USP28: variants seen among roughly 807,000 people sequenced by gnomAD.
The protein encoded by USP28 is ubiquitin specific peptidase 28.
A neutral mutation model predicts 145.0 loss-of-function variants in USP28; 113 were observed. The ratio of observed to expected loss-of-function variants is 0.78; its 90% confidence interval spans 0.67 to 0.91. USP28 has a LOEUF of 0.91. Among genes scored for constraint, USP28 ranks in the 40% least tolerant of loss-of-function variants. USP28 has a pLI of 0.00. For missense variants in USP28, 1,201 were observed against 1,289.6 expected (o/e 0.93, Z 1.05); for synonymous variants, 447 against 450.9 (o/e 0.99, Z 0.11).
chr11:113,875,171 C>T (rs912656934), intron 1 of USP28, among the ~76,000 whole-genome samples: 1 of 152,186 alleles, frequency 6.6e-6, no homozygotes, highest in African/African-American at 2.4e-5. Context: ...CGGCGGAGAA[C>T]CCCACGTCCA....
At chr11:113,798,053 CAT>C (rs1938235165) in exon 25 of USP28, 1 of 138,240 alleles carries the variant, frequency 7.2e-6, no homozygotes, top group Non-Finnish European at 1.5e-5. Context: ...TATAGTTTTG[CAT>C]ATGTATGCTG....
chr11:113,841,950 T>C (rs984879075), intron 3 of USP28, among the ~76,000 whole-genome samples, 182 bp from the exon 4 acceptor site: 2 of 152,194 alleles, frequency 1.3e-5, no homozygotes, highest in African/African-American at 4.8e-5. Context: ...AACCTTAGAC[T>C]AGCCCACAGT....
At chr11:113,840,575 G>C in intron 5 of USP28, 23 bp downstream of exon 5, 2 of 1,599,546 alleles carry the variant, frequency 1.3e-6, no homozygotes, top group African/African-American at 1.4e-5. Flanking sequence ...AAAAGACACA[G>C]TTATCTCTTA....
At chr11:113,842,952 T>C (rs533230098) in intron 3 of USP28, among the ~76,000 whole-genome samples, 8 of 152,336 alleles carry the variant, frequency 5.3e-5, no homozygotes, top group Non-Finnish European at 1.2e-4. Flanking sequence ...TAAGAACTTT[T>C]GGGCATGGTG....
intron 1 of USP28, chr11:113,859,473 G>A (rs1197021126): frequency 1.3e-5 from 2 of 152,004 alleles, no homozygotes; most frequent in African/African-American, 2.4e-5. Flanking sequence ...AATGTAAAGA[G>A]TATGGTATGA....
chr11:113,847,443 CGGG>C (rs1318407651), intron 3 of USP28, among the ~76,000 whole-genome samples: 2 of 12,394 alleles, frequency 1.6e-4, no homozygotes, highest in Non-Finnish European at 3.4e-4. Context: ...CTGCAAGAAA[CGGG>C]ACGGGGGTGG....
At chr11:113,867,196 T>G (rs1378854193) in intron 1 of USP28, among the ~76,000 whole-genome samples, 1 of 152,190 alleles carries the variant, frequency 6.6e-6, no homozygotes, top group African/African-American at 2.4e-5. Flanking sequence ...AATGAAAATG[T>G]TTTAGAACTA....
At chr11:113,864,248 A>C (rs1948045229) in intron 1 of USP28, among the ~76,000 whole-genome samples, 1 of 152,224 alleles carries the variant, frequency 6.6e-6, no homozygotes, top group South Asian at 2.1e-4. Flanking sequence ...CTCAAAAAAA[A>C]GGTAAAAAAA....
chr11:113,823,650 C>A, exon 12 of USP28: 1 of 1,612,442 alleles, frequency 6.2e-7, no homozygotes, highest in Non-Finnish European at 8.5e-7. Flanking sequence ...CTTCAACTTT[C>A]GAATACACTC....
intron 8 of USP28, 50 bp from the exon 9 acceptor site, chr11:113,830,993 T>A (rs375801757): frequency 4.5e-5 from 72 of 1,592,210 alleles, no homozygotes; most frequent in Non-Finnish European, 5.9e-5. Flanking sequence ...TTAAGATATG[T>A]GCTACATAAA....
chr11:113,852,759 A>G (rs1946617097), intron 2 of USP28, 126 bp from the exon 3 acceptor site: 1 of 1,089,258 alleles, frequency 9.2e-7, no homozygotes, highest in Non-Finnish European at 1.3e-6. Context: ...GGGTAGAATT[A>G]TGAGACTATG....
exon 24 of USP28, chr11:113,801,506 G>T: frequency 6.3e-7 from 1 of 1,587,024 alleles, no homozygotes; most frequent in South Asian, 1.1e-5. Flanking sequence ...CCCAAGGTAA[G>T]AGCACCAATG....
rs976687982 is a variant in USP28 at position 113,841,801 on chromosome 11, A to G, written c.269-33T>C. On this transcript the variant is annotated intron_variant, in intron 3 of 24. Transcript: ENST00000003302. ...ATAAACAGAAATTTAATTAGTCTAT[A>G]TATAGGAAACACTGCCCTTCTGTAA... The G allele has an allele frequency of 6.2e-5, 91 of 1,478,786 alleles. No individual in the cohort carries two copies. The South Asian group carries it at 1.1e-3, about 17-fold the overall frequency. 91.6% of individuals were successfully genotyped at this position (1,478,786 alleles called of 1,614,324 possible).
intron 19 of USP28, among the ~76,000 whole-genome samples, chr11:113,805,292 G>A (rs542558043): frequency 7.2e-6 from 1 of 138,116 alleles, no homozygotes; most frequent in African/African-American, 2.7e-5. Context: ...GTATCACTTT[G>A]TCACCCAGGC....
chr11:113,857,111 G>A (rs1947134521), intron 1 of USP28, among the ~76,000 whole-genome samples: 1 of 152,194 alleles, frequency 6.6e-6, no homozygotes, highest in South Asian at 2.1e-4. Context: ...CTTCACGGCA[G>A]TCCTGGGAGA....
At chr11:113,817,516 G>A (rs1941916822) in intron 13 of USP28, 142 bp downstream of exon 13, 2 of 977,126 alleles carry the variant, frequency 2.0e-6, no homozygotes, top group Non-Finnish European at 2.9e-6. Flanking sequence ...GTGACAGTCA[G>A]CAAAACCCTT....
chr11:113,830,415 T>C (rs936371299), intron 9 of USP28, among the ~76,000 whole-genome samples: 5 of 152,176 alleles, frequency 3.3e-5, no homozygotes, highest in African/African-American at 1.2e-4. Context: ...TTTGAATGTA[T>C]TCTAAACTCT....
intron 1 of USP28, among the ~76,000 whole-genome samples, chr11:113,860,836 G>T (rs1947600398): frequency 6.8e-6 from 1 of 146,266 alleles, no homozygotes; most frequent in South Asian, 2.2e-4. Context: ...AAAAAAATAA[G>T]GGCCGGGCTT....
rs1026407647 is a variant in USP28 at position 113,869,850 on chromosome 11, A to C, written c.57+5595T>G. Among the ~76,000 whole-genome samples the C allele has an allele frequency of 2.0e-5, 3 of 152,132 alleles. No individual in the cohort carries two copies. The South Asian group carries it at 6.2e-4, about 32-fold the overall frequency. On this transcript the variant is annotated intron_variant, in intron 1 of 24. Coordinates refer to ENST00000003302, the Ensembl canonical transcript of USP28. Reference sequence around the variant, plus strand: ...AAAGCACTGGGAAACAGAGTATAGAAGTCATTTGCAACTCAGGATTAGAAA... The same window carrying C: ...AAAGCACTGGGAAACAGAGTATAGACGTCATTTGCAACTCAGGATTAGAAA...
Sources: allele counts gnomAD v4.1 joint callset (sites outside exome capture counted in the v4.1 genomes callset), GRCh38; gene constraint gnomAD v4.1.1; transcripts MANE v1.5; gene names NCBI Gene and HGNC (gene_info 2026-07-23, HGNC 2026-07-21).